Variants in SNX7 observed in about 807,000 individuals in gnomAD.
The protein encoded by SNX7 is sorting nexin-7.
Under a neutral mutation model 48.4 loss-of-function variants are expected in SNX7, and 35 were observed. That is an observed-to-expected ratio of 0.72 (90% CI 0.55 to 0.96). The LOEUF (loss-of-function observed/expected upper bound fraction) is 0.96, where lower values mean the gene tolerates loss of function less well. Ranked by LOEUF, SNX7 falls within the 40% of genes least tolerant of loss-of-function variation. SNX7 has a pLI of 0.00. For synonymous variants in SNX7, 190 were observed against 190.2 expected, an observed-to-expected ratio of 1.00 and a Z score of 0.01; for missense variants, 553 against 548.9, an observed-to-expected ratio of 1.01 and a Z score of -0.07.
At chr1:98,682,405 C>G (rs1650552388) in intron 1 of SNX7, among the ~76,000 whole-genome samples, 1 of 151,896 alleles carries the variant, frequency 6.6e-6, no homozygotes, top group Non-Finnish European at 1.5e-5. Context: ...CTATTTTTTT[C>G]TTTCTTGGCA....
intron 8 of SNX7, among the ~76,000 whole-genome samples, chr1:98,757,532 T>C (rs1409793174): frequency 6.6e-6 from 1 of 151,994 alleles, no homozygotes; most frequent in African/African-American, 2.4e-5. Context: ...TGACCTTATT[T>C]TACCTTAATT....
At chr1:98,733,769 A>G (rs535128097) in intron 7 of SNX7, among the ~76,000 whole-genome samples, 1 of 152,026 alleles carries the variant, frequency 6.6e-6, no homozygotes, top group African/African-American at 2.4e-5. Flanking sequence ...TGCTGGGTGA[A>G]TGAGTGAGAA....
chr1:98,748,659 C>CAT (rs1404036208), intron 8 of SNX7, among the ~76,000 whole-genome samples: 2 of 151,684 alleles, frequency 1.3e-5, no homozygotes, highest in Non-Finnish European at 2.9e-5. Context: ...CACACACACA[C>CAT]ACACACACAC....
chr1:98,662,840 C>T, intron 1 of SNX7: 1 of 1,289,176 alleles, frequency 7.8e-7, no homozygotes. Flanking sequence ...CCTACTTAAC[C>T]ACCGCATTTA....
chr1:98,685,455 A>G (rs1051455083), intron 2 of SNX7, among the ~76,000 whole-genome samples: 6 of 152,158 alleles, frequency 3.9e-5, no homozygotes, highest in Admixed American at 3.3e-4. Flanking sequence ...ATTATAAAAT[A>G]TGGTACCATT....
At chr1:98,662,355 T>G (rs2100892006) in intron 1 of SNX7, 1 of 166,900 alleles carries the variant, frequency 6.0e-6, no homozygotes, top group South Asian at 1.5e-4. Context: ...CTTAATTTAG[T>G]GTTGTTGCTT....
At chr1:98,740,067 A>ATGGTT (rs753683717) in intron 8 of SNX7, among the ~76,000 whole-genome samples, 23 of 152,274 alleles carry the variant, frequency 1.5e-4, no homozygotes, top group Non-Finnish European at 2.9e-4. Context: ...GAACAGATCC[A>ATGGTT]TGGTTTTGTT....
chr1:98,713,030 G>T (rs761953498), intron 7 of SNX7, among the ~76,000 whole-genome samples: 1 of 149,898 alleles, frequency 6.7e-6, no homozygotes, highest in Non-Finnish European at 1.5e-5. Flanking sequence ...GGCAGAGGTT[G>T]CAGTGAGCCG....
At chr1:98,750,370 T>G (rs1296896810) in intron 8 of SNX7, among the ~76,000 whole-genome samples, 1 of 151,982 alleles carries the variant, frequency 6.6e-6, no homozygotes, top group Admixed American at 6.6e-5. Context: ...CCTTGAGGAC[T>G]TTTTTTATTT....
chr1:98,694,595 G>GGTTTTT (rs1557802551), intron 4 of SNX7, among the ~76,000 whole-genome samples: 1 of 71,186 alleles, frequency 1.4e-5, no homozygotes, highest in Non-Finnish European at 2.8e-5. Flanking sequence ...ATTGCTCTGG[G>GGTTTTT]ATTTTTTTTT....
Position 98,738,331 on chromosome 1 carries a change from A to T in SNX7, c.1220A>T (p.Asn407Ile). Residue 407 changes from asparagine to isoleucine, a missense_variant, in exon 8 of 9, where the codon AAT becomes ATT. Physicochemically the swap from Asn to Ile is moderately radical, Grantham distance 149. Coordinates refer to ENST00000306121, the MANE Select transcript of SNX7 (RefSeq NM_015976.5). ...GAGAGATGGAAACAAAATATGCAAAATGATATCAAGTTAGCATTTACAGAT... is the reference window on the plus strand; with the variant it reads ...GAGAGATGGAAACAAAATATGCAAATTGATATCAAGTTAGCATTTACAGAT... ...DWERWKQNMQ[N>I]DIKLAFTDMA... is the part of the protein sequence containing the mutation. The T allele has an allele frequency of 6.2e-7, 1 of 1,613,602 alleles. No homozygotes were observed. Among genetic ancestry groups the T allele is most frequent in the Non-Finnish European group, 8.5e-7 (1 of 1,179,682 alleles).
At chr1:98,752,878 G>A (rs1390191699) in intron 8 of SNX7, among the ~76,000 whole-genome samples, 1 of 151,902 alleles carries the variant, frequency 6.6e-6, no homozygotes, top group Non-Finnish European at 1.5e-5. Context: ...CTGCAGTCAG[G>A]GTTTCTTACC....
intron 7 of SNX7, among the ~76,000 whole-genome samples, chr1:98,725,751 G>A (rs1368282826): frequency 6.6e-6 from 1 of 152,134 alleles, no homozygotes; most frequent in Non-Finnish European, 1.5e-5. Context: ...ACACTAAAAT[G>A]TCTTGGATTT....
chr1:98,664,822 G>C (rs766980475), intron 1 of SNX7, among the ~76,000 whole-genome samples: 2 of 151,922 alleles, frequency 1.3e-5, no homozygotes, highest in African/African-American at 2.4e-5. Context: ...AAAAGAACGG[G>C]GATAGATGTT....
At chr1:98,708,394 A>G (rs1652124531) in intron 7 of SNX7, among the ~76,000 whole-genome samples, 1 of 152,190 alleles carries the variant, frequency 6.6e-6, no homozygotes, top group African/African-American at 2.4e-5. Flanking sequence ...AGTCAGGATC[A>G]AACCAGTCAC....
At chr1:98,701,524 T>C (rs757809074) in intron 6 of SNX7, among the ~76,000 whole-genome samples, 1 of 152,084 alleles carries the variant, frequency 6.6e-6, no homozygotes, top group Non-Finnish European at 1.5e-5. Flanking sequence ...GAATTGTACA[T>C]GCGTATTCCA....
intron 1 of SNX7, among the ~76,000 whole-genome samples, chr1:98,668,306 G>A (rs1205183640): frequency 6.6e-6 from 1 of 152,016 alleles, no homozygotes; most frequent in Admixed American, 6.6e-5. Flanking sequence ...GGTCATATAG[G>A]GTATTAATTT....
chr1:98,688,220 C>T (rs1332818753), intron 2 of SNX7, among the ~76,000 whole-genome samples: 1 of 152,222 alleles, frequency 6.6e-6, no homozygotes, highest in East Asian at 1.9e-4. Context: ...TGAATATACA[C>T]ATACATACAT....
intron 1 of SNX7, among the ~76,000 whole-genome samples, chr1:98,680,513 T>C (rs1241025492): frequency 6.6e-6 from 1 of 152,162 alleles, no homozygotes; most frequent in Non-Finnish European, 1.5e-5. Flanking sequence ...TTCTATCACA[T>C]TATCAGGCTG....
Sources: gnomAD v4.1 joint callset for allele counts (sites outside exome capture counted in the v4.1 genomes callset) on GRCh38, gnomAD v4.1.1 for gene constraint, MANE v1.5 for transcripts, NCBI Gene and HGNC (gene_info 2026-07-23, HGNC 2026-07-21) for gene names.